The following NRXN3 variants were observed in gnomAD, a reference collection of about 807,000 sequenced individuals.
NRXN3 encodes the protein neurexin 3.
Under a neutral mutation model 137.6 loss-of-function variants are expected in NRXN3, and 32 were observed. That is an observed-to-expected ratio of 0.23 (90% CI 0.18 to 0.31). The LOEUF (loss-of-function observed/expected upper bound fraction) is 0.31. Among genes scored for constraint, NRXN3 ranks in the 10% least tolerant of loss-of-function variants. NRXN3 has a pLI of 1.00. For missense variants in NRXN3, 1,574 were observed against 2,062.5 expected, an observed-to-expected ratio of 0.76 and a Z score of 4.59; for synonymous variants, 798 against 784.5, an observed-to-expected ratio of 1.02 and a Z score of -0.29.
chr14:79,623,389 T>A (rs1307974369), intron 16 of NRXN3, among the ~76,000 whole-genome samples: 1 of 152,200 alleles, frequency 6.6e-6, no homozygotes, highest in Non-Finnish European at 1.5e-5. Context: ...ACAACCTAAT[T>A]AAATTCAGCC....
At chr14:79,471,370 C>T (rs1318409251) in intron 16 of NRXN3, among the ~76,000 whole-genome samples, 1 of 152,144 alleles carries the variant, frequency 6.6e-6, no homozygotes, top group African/African-American at 2.4e-5. Flanking sequence ...CCACATGTGC[C>T]GATGTGAGGT....
At chr14:79,028,309 C>T (rs2099601930) in intron 15 of NRXN3, among the ~76,000 whole-genome samples, 1 of 152,118 alleles carries the variant, frequency 6.6e-6, no homozygotes, top group African/African-American at 2.4e-5. Flanking sequence ...TTACTTCTAC[C>T]ATTACAGCGC....
intron 10 of NRXN3, among the ~76,000 whole-genome samples, chr14:78,923,729 A>G (rs953994496): frequency 6.6e-6 from 1 of 152,204 alleles, no homozygotes; most frequent in Non-Finnish European, 1.5e-5. Context: ...TTATTGTACA[A>G]CAGATACTGT....
intron 20 of NRXN3, among the ~76,000 whole-genome samples, chr14:79,846,461 T>G (rs757520312): frequency 4.6e-5 from 7 of 152,100 alleles, no homozygotes; most frequent in Non-Finnish European, 8.8e-5. Flanking sequence ...ACCCAACACT[T>G]AGAATGGTAT....
rs1237407438 is a variant in NRXN3, at chr14:79,580,486, C to A, written c.3445-83292C>A. On this transcript the variant is annotated intron_variant, in intron 16 of 20. Transcript: ENST00000335750. ...GCATCTTTGTGAGCTATGAAACTTGCCCTGATAGCCTTTTCTTGCCTAGGG... is the reference window on the plus strand; with the variant it reads ...GCATCTTTGTGAGCTATGAAACTTGACCTGATAGCCTTTTCTTGCCTAGGG... Among the ~76,000 whole-genome samples the A allele has an allele frequency of 3.3e-5, 5 of 150,416 alleles. No individual in the cohort carries two copies. In the Middle Eastern group the frequency reaches 0.01, roughly 307 times the overall value.
chr14:79,282,682 T>A (rs953921473), intron 15 of NRXN3, among the ~76,000 whole-genome samples: 20 of 152,228 alleles, frequency 1.3e-4, no homozygotes, highest in African/African-American at 4.8e-4. Context: ...AAGAAGAAAG[T>A]AAGTAAATGG....
At chr14:79,384,305 A>G (rs1599509587) in intron 15 of NRXN3, among the ~76,000 whole-genome samples, 1 of 152,154 alleles carries the variant, frequency 6.6e-6, no homozygotes, top group South Asian at 2.1e-4. Context: ...AAATCATACT[A>G]TGCCATGGTT....
At chr14:79,028,952 G>A (rs2099602911) in intron 15 of NRXN3, among the ~76,000 whole-genome samples, 1 of 152,066 alleles carries the variant, frequency 6.6e-6, no homozygotes, top group African/African-American at 2.4e-5. Context: ...CATTGGGATG[G>A]GGATGAGGCT....
chr14:78,255,445 T>G (rs1466622447), intron 2 of NRXN3, among the ~76,000 whole-genome samples: 1 of 152,228 alleles, frequency 6.6e-6, no homozygotes, highest in East Asian at 1.9e-4. Context: ...TATTTGCTCT[T>G]CCTGATGTTG....
chr14:79,212,197 G>A (rs1009364473), intron 15 of NRXN3, among the ~76,000 whole-genome samples: 2 of 152,132 alleles, frequency 1.3e-5, no homozygotes, highest in Non-Finnish European at 2.9e-5. Context: ...TTTGGGCTGC[G>A]GCTTTAGTTG....
intron 4 of NRXN3, among the ~76,000 whole-genome samples, chr14:78,470,805 A>G (rs980504002): frequency 2.6e-5 from 4 of 152,176 alleles, no homozygotes; most frequent in African/African-American, 7.2e-5. Flanking sequence ...AGTATAAAAA[A>G]TCCTTTTATA....
chr14:79,160,921 A>G (rs949991649), intron 15 of NRXN3, among the ~76,000 whole-genome samples: 1 of 151,924 alleles, frequency 6.6e-6, no homozygotes, highest in African/African-American at 2.4e-5. Flanking sequence ...TTCTGTAACT[A>G]GCCTGTTTAT....
chr14:79,402,234 C>A (rs1163737061), intron 15 of NRXN3, among the ~76,000 whole-genome samples: 1 of 152,168 alleles, frequency 6.6e-6, no homozygotes, highest in African/African-American at 2.4e-5. Flanking sequence ...CTTCACCCAG[C>A]CTTTTTTTCT....
At chr14:79,685,670 A>G (rs1373410642) in intron 17 of NRXN3, among the ~76,000 whole-genome samples, 1 of 152,236 alleles carries the variant, frequency 6.6e-6, no homozygotes, top group Non-Finnish European at 1.5e-5. Flanking sequence ...GATTGAAAGT[A>G]TCCTTGATAG....
chr14:78,756,978 C>T (rs1274932331), intron 8 of NRXN3, among the ~76,000 whole-genome samples: 3 of 152,316 alleles, frequency 2.0e-5, no homozygotes, highest in Admixed American at 2.0e-4. Flanking sequence ...TTATATTTCA[C>T]ATTTACTCTG....
chr14:79,078,057 G>A (rs2046280073), intron 15 of NRXN3, among the ~76,000 whole-genome samples: 1 of 152,092 alleles, frequency 6.6e-6, no homozygotes, highest in Non-Finnish European at 1.5e-5. Flanking sequence ...TGGTTGAAAT[G>A]GCAAGATAAT....
At chr14:79,340,926 A>T (rs1019380812) in intron 15 of NRXN3, among the ~76,000 whole-genome samples, 1 of 152,194 alleles carries the variant, frequency 6.6e-6, no homozygotes, top group Non-Finnish European at 1.5e-5. Context: ...TTATATTCTC[A>T]AAGCTCAGAA....
chr14:78,985,280 T>A (rs2099500329), intron 14 of NRXN3, among the ~76,000 whole-genome samples: 1 of 152,190 alleles, frequency 6.6e-6, no homozygotes, highest in Non-Finnish European at 1.5e-5. Context: ...CACAAGGACC[T>A]AACCAGAGAA....
At chr14:79,213,149 AT>A (rs2067952038) in intron 15 of NRXN3, among the ~76,000 whole-genome samples, 1 of 152,002 alleles carries the variant, frequency 6.6e-6, no homozygotes, top group Admixed American at 6.6e-5. Flanking sequence ...CCCCACCTCC[AT>A]TTTTCCCCTG....
Sources: gnomAD v4.1 joint callset for allele counts (sites outside exome capture counted in the v4.1 genomes callset) on GRCh38, gnomAD v4.1.1 for gene constraint, MANE v1.5 for transcripts, NCBI Gene and HGNC (gene_info 2026-07-23, HGNC 2026-07-21) for gene names.